Variants in OSBPL3 observed in about 807,000 individuals in gnomAD.
OSBPL3 encodes oxysterol binding protein like 3.
A neutral mutation model predicts 120.1 loss-of-function variants in OSBPL3; 65 were observed. The observed-to-expected ratio is 0.54, with a 90% confidence interval of 0.44 to 0.67. The LOEUF (loss-of-function observed/expected upper bound fraction) is 0.67, where lower values mean the gene tolerates loss of function less well. Among genes scored for constraint, OSBPL3 ranks in the 30% least tolerant of loss-of-function variants. The pLI is 0.00. For synonymous variants in OSBPL3, 416 were observed against 402.6 expected, an observed-to-expected ratio of 1.03 and a Z score of -0.40; for missense variants, 1,004 against 1,082.1, an observed-to-expected ratio of 0.93 and a Z score of 1.01.
chr7:24,870,913 A>G, intron 4 of OSBPL3, 68 bp from the exon 5 acceptor site: 1 of 921,038 alleles, frequency 1.1e-6, no homozygotes, highest in Non-Finnish European at 1.8e-6. Context: ...TCCCTGACAC[A>G]CCCTTCCACA....
rs138815129 is a variant in OSBPL3 at position 24,846,983 on chromosome 7, C to T, written c.1266+2086G>A. On this transcript the variant is annotated intron_variant, in intron 12 of 22. Transcript: ENST00000313367. ...AAGGCTGAGGCAGAATGGCGTGAACCCGGGAGGCGGAGCTGGCAGTGAGCC... is the reference window on the plus strand; with the variant it reads ...AAGGCTGAGGCAGAATGGCGTGAACTCGGGAGGCGGAGCTGGCAGTGAGCC... Among the ~76,000 whole-genome samples the T allele has an allele frequency of 1.5e-4, 23 of 150,942 alleles. No homozygotes were observed. In the East Asian group the frequency reaches 4.1e-3, roughly 27 times the overall value.
intron 14 of OSBPL3, among the ~76,000 whole-genome samples, chr7:24,838,472 G>A (rs927319114): frequency 2.6e-5 from 4 of 152,144 alleles, no homozygotes; most frequent in Non-Finnish European, 5.9e-5. Flanking sequence ...CTCCAGCCTG[G>A]GCGACAGAGT....
At position 24,891,553 on chromosome 7, in the gene OSBPL3, C is replaced by T. The variant is rs1412994121; in HGVS notation, c.96+824G>A. Among the ~76,000 whole-genome samples, 1 of 152,222 alleles carries T rather than the reference C, an allele frequency of 6.6e-6. No homozygotes were observed. The highest frequency in any genetic ancestry group is 1.5e-5 in the Non-Finnish European group (1 of 68,036). Reference sequence around the variant, plus strand: ...ACAGAAGCAGCAGGTGCTGAAAAGGCTCAGAGACCACTTTGGTCATAAATT... The same window carrying T: ...ACAGAAGCAGCAGGTGCTGAAAAGGTTCAGAGACCACTTTGGTCATAAATT... On this transcript the variant is annotated intron_variant, in intron 2 of 22. Transcript: ENST00000313367. The surrounding 1 kb of genome is among the most constrained non-coding windows in gnomAD (Gnocchi z 4.1).
At chr7:24,920,522 T>C (rs1000213676) in intron 1 of OSBPL3, among the ~76,000 whole-genome samples, 2 of 152,178 alleles carry the variant, frequency 1.3e-5, no homozygotes, top group African/African-American at 4.8e-5. Flanking sequence ...GAGTTTCTTT[T>C]TGAGTGATAG....
At chr7:24,950,766 C>T (rs1814327162) in intron 1 of OSBPL3, among the ~76,000 whole-genome samples, 1 of 151,886 alleles carries the variant, frequency 6.6e-6, no homozygotes, top group Non-Finnish European at 1.5e-5. Flanking sequence ...AATTTCTTAG[C>T]CAAAGATGTT....
Position 24,862,896 on chromosome 7 carries a change from C to A in OSBPL3, c.870+304G>T, listed in dbSNP as rs533429335. Among the ~76,000 whole-genome samples, 2 of 152,176 alleles carry A rather than the reference C, an allele frequency of 1.3e-5. No homozygotes were observed. Among genetic ancestry groups the A allele is most frequent in the African/African-American group, 4.8e-5 (2 of 41,448 alleles). ...GCACAAACACAAGCAGGGAAGAGCA[C>A]AGGCAGGCTCAACAGTGAAGGTGGG... On this transcript the variant is annotated intron_variant, in intron 9 of 22. Coordinates refer to ENST00000313367, the MANE Select transcript of OSBPL3 (RefSeq NM_015550.4). The surrounding 1 kb of genome is among the most constrained non-coding windows in gnomAD (Gnocchi z 4.4).
Position 24,910,636 on chromosome 7 carries a change from G to A in OSBPL3, c.-149-18015C>T, listed in dbSNP as rs74621802. On this transcript the variant is annotated intron_variant, in intron 1 of 22. Transcript: ENST00000313367. Reference sequence around the variant, plus strand: ...CTTAATCCAAGGAGGAAACCACTGTGATCAAGGAGATAAGATGTCACAAAT... The same window carrying A: ...CTTAATCCAAGGAGGAAACCACTGTAATCAAGGAGATAAGATGTCACAAAT... Among the ~76,000 whole-genome samples the A allele has an allele frequency of 6.4e-3, 973 of 152,356 alleles. 17 individuals carry two copies. The highest frequency in any genetic ancestry group is 0.022 in the African/African-American group (932 of 41,576).
At chr7:24,970,398 A>G (rs1054294650) in intron 1 of OSBPL3, among the ~76,000 whole-genome samples, 2 of 151,908 alleles carry the variant, frequency 1.3e-5, no homozygotes, top group Non-Finnish European at 2.9e-5. Flanking sequence ...GAGCCATCGC[A>G]CTCAGCCCCT....
intron 1 of OSBPL3, among the ~76,000 whole-genome samples, chr7:24,914,378 C>G (rs970490822): frequency 2.6e-5 from 4 of 151,938 alleles, no homozygotes; most frequent in Admixed American, 6.5e-5. Context: ...CCCCAGTGAG[C>G]ACATGAAATG....
chr7:24,869,946 T>A (rs1167174410), intron 5 of OSBPL3, among the ~76,000 whole-genome samples: 1 of 152,236 alleles, frequency 6.6e-6, no homozygotes. Flanking sequence ...ACTTTCTCAA[T>A]TAATTTCTAA....
Position 24,959,034 on chromosome 7 carries a change from G to C in OSBPL3, c.-150+20852C>G, listed in dbSNP as rs113262566. Among the ~76,000 whole-genome samples, 2 of 152,112 alleles carry C rather than the reference G, an allele frequency of 1.3e-5. No individual in the cohort carries two copies. Among genetic ancestry groups the C allele is most frequent in the Non-Finnish European group, 2.9e-5 (2 of 68,006 alleles). On this transcript the variant is annotated intron_variant, in intron 1 of 22. Coordinates refer to ENST00000313367, the MANE Select transcript of OSBPL3 (RefSeq NM_015550.4). The surrounding 1 kb of genome is among the most constrained non-coding windows in gnomAD (Gnocchi z 4.3). ...ACTTCTTTTCTATAATCCATGAATT[G>C]TAAGTTTTAAACATTCACTAGAATG...
Position 24,854,047 on chromosome 7 carries a change from A to T in OSBPL3, c.1028-1413T>A, listed in dbSNP as rs1799506581. ...CTCCAATGCCTGAACTGAAGTTTTA[A>T]AAAACATTAACACATACAGCACACA... On this transcript the variant is annotated intron_variant, in intron 10 of 22. Transcript: ENST00000313367. This position sits in a 1 kb window ranked among gnomAD's most constrained non-coding sequence, Gnocchi z 4.1. 1.3e-5 allele frequency among the ~76,000 whole-genome samples: 2 copies of T among 152,194 alleles called. No individual in the cohort carries two copies. Among genetic ancestry groups the T allele is most frequent in the Admixed American group, 1.3e-4 (2 of 15,280 alleles).
chr7:24,874,064 TGTGAA>T (rs547798345), intron 2 of OSBPL3, among the ~76,000 whole-genome samples: 323 of 152,374 alleles, frequency 2.1e-3, no homozygotes, highest in African/African-American at 7.5e-3. Flanking sequence ...CCTGCTGTGC[TGTGAA>T]TAGTATGCAT....
At chr7:24,810,147 T>C (rs968776119) in intron 19 of OSBPL3, 196 bp from the exon 20 acceptor site, 7 of 571,094 alleles carry the variant, frequency 1.2e-5, no homozygotes, top group African/African-American at 3.8e-5. Context: ...ACATAGTGTC[T>C]TGAAACATGT....
chr7:24,808,275 T>A lies in OSBPL3; in HGVS notation c.2318-1373A>T, dbSNP rs575736216. 1.2e-4 allele frequency among the ~76,000 whole-genome samples: 19 copies of A among 152,266 alleles called. 1 individual carries two copies. In the South Asian group the frequency reaches 3.9e-3, roughly 32 times the overall value. Reference sequence around the variant, plus strand: ...TCTCTGTGTATCCTAAGCATAAAAATAGTAGCAAAGTTTCCTATGGTGTCT... The same window carrying A: ...TCTCTGTGTATCCTAAGCATAAAAAAAGTAGCAAAGTTTCCTATGGTGTCT... On this transcript the variant is annotated intron_variant, in intron 20 of 22. Transcript: ENST00000313367. The surrounding 1 kb of genome is among the most constrained non-coding windows in gnomAD (Gnocchi z 4.6).
intron 18 of OSBPL3, 109 bp downstream of exon 18, chr7:24,816,501 A>G: frequency 1.4e-6 from 1 of 728,088 alleles, no homozygotes. Context: ...TAAAAGAAAA[A>G]ATACACACTC....
intron 1 of OSBPL3, among the ~76,000 whole-genome samples, chr7:24,951,175 GA>G (rs1814388604): frequency 6.6e-6 from 1 of 152,180 alleles, no homozygotes; most frequent in Non-Finnish European, 1.5e-5. Context: ...AGAAATTTGA[GA>G]TTATGGAATC....
chr7:24,917,417 T>TTTGTAAC (rs1809781437), intron 1 of OSBPL3, among the ~76,000 whole-genome samples: 1 of 142,018 alleles, frequency 7.0e-6, no homozygotes, highest in African/African-American at 2.6e-5. Flanking sequence ...TATATATATA[T>TTTGTAAC]ATATATATAT....
Position 24,959,747 on chromosome 7 carries a change from T to C in OSBPL3, c.-150+20139A>G, listed in dbSNP as rs780922938. On this transcript the variant is annotated intron_variant, in intron 1 of 22. Coordinates refer to ENST00000313367, the MANE Select transcript of OSBPL3 (RefSeq NM_015550.4). The surrounding 1 kb of genome is among the most constrained non-coding windows in gnomAD (Gnocchi z 4.3). Reference sequence around the variant, plus strand: ...CTTCCAAAAGAAAATATATTCCTTTTAAAATGCCATTCAGGAATAAATGTT... The same window carrying C: ...CTTCCAAAAGAAAATATATTCCTTTCAAAATGCCATTCAGGAATAAATGTT... Among the ~76,000 whole-genome samples, 4 of 152,216 alleles carry C rather than the reference T, an allele frequency of 2.6e-5. No homozygotes were observed. Among genetic ancestry groups the C allele is most frequent in the Non-Finnish European group, 4.4e-5 (3 of 68,034 alleles).
Sources: gnomAD v4.1 joint callset for allele counts (sites outside exome capture counted in the v4.1 genomes callset) on GRCh38, gnomAD v4.1.1 for gene constraint, Gnocchi (gnomAD v3.1) non-coding constraint, MANE v1.5 for transcripts, NCBI Gene and HGNC (gene_info 2026-07-23, HGNC 2026-07-21) for gene names.